Variants in THADA observed in about 807,000 individuals in gnomAD.
THADA encodes THADA armadillo repeat containing, also known as tRNA (32-2'-O)-methyltransferase regulator THADA.
Under a neutral mutation model 219.8 loss-of-function variants are expected in THADA, and 213 were observed. That is an observed-to-expected ratio of 0.97 (90% CI 0.87 to 1.09). The LOEUF (loss-of-function observed/expected upper bound fraction) is 1.09, where lower values mean the gene tolerates loss of function less well. Ranked by LOEUF, THADA falls within the 50% of genes least tolerant of loss-of-function variation. The pLI is 0.00. For synonymous variants in THADA, 1,018 were observed against 828.9 expected, an observed-to-expected ratio of 1.23 and a Z score of -3.92; for missense variants, 2,956 against 2,311.3, an observed-to-expected ratio of 1.28 and a Z score of -5.72.
At chr2:43,580,457 G>C (rs1220083699) in intron 8 of THADA, among the ~76,000 whole-genome samples, 1 of 152,062 alleles carries the variant, frequency 6.6e-6, no homozygotes, top group Non-Finnish European at 1.5e-5. Context: ...TTTTCTGTAA[G>C]TTATGTCTTA....
intron 25 of THADA, among the ~76,000 whole-genome samples, chr2:43,498,019 A>C (rs1252715564): frequency 6.6e-6 from 1 of 152,228 alleles, no homozygotes; most frequent in Non-Finnish European, 1.5e-5. Context: ...TAAAAATTAA[A>C]AAAAGAAAAT....
intron 22 of THADA, among the ~76,000 whole-genome samples, chr2:43,514,886 A>G (rs1574029139): frequency 1.3e-5 from 1 of 77,582 alleles, no homozygotes; most frequent in African/African-American, 5.8e-5. Flanking sequence ...AATATGTATA[A>G]TATATATTTT....
In THADA at chr2:43,293,192, C is replaced by A. The variant is rs1409636877; in HGVS notation, c.4460G>T (p.Trp1487Leu). Reference sequence around the variant, plus strand: ...TGAGATAATCCCTCTGACTTCCTCCCAGAAGCCAAGACTCTCCAGAACTAA... The same window carrying A: ...TGAGATAATCCCTCTGACTTCCTCCAAGAAGCCAAGACTCTCCAGAACTAA... ...NQPVLESLGF[W>L]EEVRGIISGS... The change falls in exon 32 of 38, where the codon TGG becomes TTG. Residue 1487 changes from tryptophan to leucine, a missense_variant. Coordinates refer to ENST00000405975, the MANE Select transcript of THADA (RefSeq NM_022065.5). 1.9e-6 allele frequency: 3 copies of A among 1,611,834 alleles called. No homozygotes were observed. Among genetic ancestry groups the A allele is most frequent in the Non-Finnish European group, 2.5e-6 (3 of 1,178,486 alleles).
intron 36 of THADA, among the ~76,000 whole-genome samples, chr2:43,238,006 C>T (rs1668226811): frequency 6.7e-6 from 1 of 150,294 alleles, no homozygotes; most frequent in Admixed American, 6.7e-5. Flanking sequence ...GTAGTCCCAG[C>T]TACTTGGGAG....
At chr2:43,401,423 C>A (rs7603268) in intron 28 of THADA, among the ~76,000 whole-genome samples, 12 of 151,944 alleles carry the variant, frequency 7.9e-5, no homozygotes, top group Admixed American at 2.0e-4. Context: ...GGATTACAGG[C>A]GCCTGCCACC....
rs1303551144 is a variant in THADA at position 43,431,840 on chromosome 2, ACTTTTTTTTTTTTTTTTTTTT to A, written c.3837-1559_3837-1539del. Among the ~76,000 whole-genome samples, 4 of 4,072 alleles carry A rather than the reference ACTTTTTTTTTTTTTTTTTTTT, an allele frequency of 9.8e-4. 1 individual carries two copies. The highest frequency in any genetic ancestry group is 6.5e-3 in the Admixed American group (2 of 306). 2.7% of individuals were successfully genotyped at this position (4,072 alleles called of 152,430 possible). ...CCACCACGCCCGGATAATTTTTTGTACTTTTTTTTTTTTTTTTTTTTTTTTTTTTTTTTTGAGACGGAGTCT... is the reference window on the plus strand; with the variant it reads ...CCACCACGCCCGGATAATTTTTTGTATTTTTTTTTTTTTGAGACGGAGTCT... On this transcript the variant is annotated intron_variant, in intron 26 of 37. Transcript: ENST00000405975.
intron 17 of THADA, among the ~76,000 whole-genome samples, chr2:43,553,142 C>G (rs1015182715): frequency 1.3e-5 from 2 of 152,150 alleles, no homozygotes; most frequent in Non-Finnish European, 2.9e-5. Context: ...TTTTATTTAT[C>G]CATTCATCTG....
chr2:43,310,270 C>T (rs1031927824), intron 31 of THADA, among the ~76,000 whole-genome samples: 2 of 128,098 alleles, frequency 1.6e-5, no homozygotes, highest in Admixed American at 9.8e-5. Flanking sequence ...TGTGAAAATG[C>T]AAGGAACCCA....
chr2:43,351,745 G>A (rs1269555158), intron 29 of THADA, among the ~76,000 whole-genome samples: 1 of 152,204 alleles, frequency 6.6e-6, no homozygotes, highest in Non-Finnish European at 1.5e-5. Context: ...AGCAGCAGCT[G>A]GGGTGCTAAA....
chr2:43,420,401 T>C (rs1558732595), intron 28 of THADA, among the ~76,000 whole-genome samples: 2 of 152,246 alleles, frequency 1.3e-5, no homozygotes, highest in Admixed American at 1.3e-4. Context: ...ACACAATGAA[T>C]GTTTAACAAA....
chr2:43,246,949 C>T (rs1164504124), intron 36 of THADA, among the ~76,000 whole-genome samples: 1 of 152,170 alleles, frequency 6.6e-6, no homozygotes, highest in East Asian at 1.9e-4. Context: ...AGGAACATGC[C>T]AAGGAAGGGA....
At chr2:43,431,649 T>TGGAGATGGGG (rs1558750565) in intron 26 of THADA, among the ~76,000 whole-genome samples, 15 of 35,928 alleles carry the variant, frequency 4.2e-4, no homozygotes, top group South Asian at 1.1e-3. Flanking sequence ...GTACTTTTTT[T>TGGAGATGGGG]TTTTTTTTTT....
chr2:43,485,346 C>A (rs370818593), intron 25 of THADA, 21 bp from the exon 26 acceptor site: 4 of 1,549,290 alleles, frequency 2.6e-6, no homozygotes, highest in African/African-American at 2.7e-5. Context: ...AACGAAAACA[C>A]AATAAGGCTT....
intron 31 of THADA, among the ~76,000 whole-genome samples, chr2:43,314,566 A>G (rs1677864211): frequency 6.6e-6 from 1 of 152,230 alleles, no homozygotes; most frequent in Non-Finnish European, 1.5e-5. Flanking sequence ...CTGTAAACAG[A>G]AATTTCAATG....
At chr2:43,423,126 C>T (rs1306927146) in intron 28 of THADA, among the ~76,000 whole-genome samples, 1 of 152,054 alleles carries the variant, frequency 6.6e-6, no homozygotes, top group African/African-American at 2.4e-5. Flanking sequence ...CTTTCCTCCC[C>T]ATTCAGAGGT....
intron 22 of THADA, among the ~76,000 whole-genome samples, chr2:43,509,580 A>T (rs551166982): frequency 1.3e-5 from 2 of 152,316 alleles, no homozygotes; most frequent in African/African-American, 4.8e-5. Flanking sequence ...GAGGAAGAAA[A>T]GTTGCAGAAA....
At chr2:43,305,203 GAACAACAAC>G (rs1027486964) in intron 31 of THADA, among the ~76,000 whole-genome samples, 1 of 151,472 alleles carries the variant, frequency 6.6e-6, no homozygotes, top group East Asian at 1.9e-4. Context: ...GAAACCATAG[GAACAACAAC>G]AACAATAACA....
At chr2:43,340,309 C>G (rs1666934685) in intron 30 of THADA, among the ~76,000 whole-genome samples, 1 of 152,168 alleles carries the variant, frequency 6.6e-6, no homozygotes. Flanking sequence ...CACTCATCAC[C>G]AAAAATTCCC....
At chr2:43,534,495 C>T (rs1363890902) in intron 21 of THADA, among the ~76,000 whole-genome samples, 1 of 152,092 alleles carries the variant, frequency 6.6e-6, no homozygotes, top group African/African-American at 2.4e-5. Context: ...AACTACTCTT[C>T]CCAGCCTGTA....
Sources: allele counts gnomAD v4.1 joint callset (sites outside exome capture counted in the v4.1 genomes callset), GRCh38; gene constraint gnomAD v4.1.1; transcripts MANE v1.5; gene names NCBI Gene and HGNC (gene_info 2026-07-23, HGNC 2026-07-21).